The following PWWP2A variants were observed in gnomAD, a reference collection of about 807,000 sequenced individuals.
The protein encoded by PWWP2A is PWWP domain containing 2A.
PWWP2A carries 18 observed loss-of-function variants against 48.5 expected under a neutral mutation model. That is an observed-to-expected ratio of 0.37 (90% CI 0.26 to 0.55). PWWP2A has a LOEUF of 0.55. PWWP2A is among the 20% of genes least tolerant of loss of function. The pLI is 0.81. For missense variants in PWWP2A, 867 were observed against 976.4 expected (o/e 0.89, Z 1.49); for synonymous variants, 396 against 387.7 (o/e 1.02, Z -0.25).
chr5:160,047,361 T>C, the PWWP2A span, among the ~76,000 whole-genome samples: 1 of 152,226 alleles, frequency 6.6e-6, no homozygotes, highest in Middle Eastern at 3.2e-3. Context: ...GATTGTTCTT[T>C]CGTGTCACAT....
the PWWP2A span, among the ~76,000 whole-genome samples, chr5:160,055,792 C>T: frequency 6.6e-6 from 1 of 152,220 alleles, no homozygotes; most frequent in East Asian, 1.9e-4. Context: ...AGAGACACCT[C>T]CTGAGCAAAA....
chr5:160,089,014 G>A (rs1445064309), downstream of PWWP2A, among the ~76,000 whole-genome samples: 2 of 152,166 alleles, frequency 1.3e-5, no homozygotes, highest in Non-Finnish European at 2.9e-5. Context: ...TTTAGTATCA[G>A]TTCCCTGTTC....
At chr5:160,096,433 A>C (rs1164704702) in intron 1 of PWWP2A, among the ~76,000 whole-genome samples, 1 of 152,220 alleles carries the variant, frequency 6.6e-6, no homozygotes, top group African/African-American at 2.4e-5. Flanking sequence ...CCACTTTTTC[A>C]AAAGATGACA....
chr5:160,113,459 C>G, intron 1 of PWWP2A: 2 of 380,662 alleles, frequency 5.3e-6, no homozygotes, highest in Non-Finnish European at 7.2e-6. Flanking sequence ...GTAGACAGCT[C>G]TTCCAATTTT....
At chr5:160,114,302 C>G (rs1470518344) in intron 1 of PWWP2A, among the ~76,000 whole-genome samples, 1 of 151,758 alleles carries the variant, frequency 6.6e-6, no homozygotes, top group Non-Finnish European at 1.5e-5. Flanking sequence ...GAGGCCGAAG[C>G]AGGAGGATCA....
chr5:160,114,784 AAAAAG>A (rs1242743783), intron 1 of PWWP2A, among the ~76,000 whole-genome samples: 1 of 151,748 alleles, frequency 6.6e-6, no homozygotes, highest in Non-Finnish European at 1.5e-5. Flanking sequence ...AAAAAAAAAA[AAAAAG>A]AGTTCAACCA....
the PWWP2A span, chr5:160,051,292 A>T: frequency 2.4e-6 from 2 of 829,226 alleles, no homozygotes; most frequent in Non-Finnish European, 3.7e-6. Flanking sequence ...GGACTCTACC[A>T]CAAGGCTACT....
At position 160,103,741 on chromosome 5, in the gene PWWP2A, A is replaced by T. The variant is rs565275444; in HGVS notation, c.585-9676T>A. Among the ~76,000 whole-genome samples the T allele has an allele frequency of 4.6e-5, 7 of 152,314 alleles. No individual in the cohort carries two copies. The South Asian group carries it at 1.4e-3, about 32-fold the overall frequency. On this transcript the variant is annotated intron_variant, in intron 1 of 1. Coordinates refer to ENST00000307063, the MANE Select transcript of PWWP2A (RefSeq NM_001130864.2). ...AAATAAAGGTGATCCATCTGGCAGA[A>T]AAAGAGGAGGGCATGTTGGTGAGTG...
chr5:160,083,607 G>C (rs889344320), intron 2 of PWWP2A, among the ~76,000 whole-genome samples: 12 of 152,146 alleles, frequency 7.9e-5, no homozygotes, highest in Admixed American at 6.5e-4. Context: ...TCTTTGTGAA[G>C]TTCTCCTAAT....
Position 160,113,420 on chromosome 5 carries a change from G to A in PWWP2A, c.584+5385C>T, listed in dbSNP as rs1561705098. 6 of 777,566 alleles carry A rather than the reference G, an allele frequency of 7.7e-6. No homozygotes were observed. In the Admixed American group the frequency reaches 2.5e-4, roughly 32 times the overall value. 48.2% of individuals were successfully genotyped at this position (777,566 alleles called of 1,614,324 possible). On this transcript the variant is annotated intron_variant, in intron 1 of 1. Coordinates refer to ENST00000307063, the MANE Select transcript of PWWP2A (RefSeq NM_001130864.2). ...CATCCACACATATATTAAATCCTGTGTTCTAGACTCAAACACCTTTTCCAC... is the reference window on the plus strand; with the variant it reads ...CATCCACACATATATTAAATCCTGTATTCTAGACTCAAACACCTTTTCCAC...
Position 160,093,343 on chromosome 5 carries a change from T to G in PWWP2A, c.1307A>C (p.Lys436Thr). 6.2e-7 allele frequency: 1 copy of G among 1,613,910 alleles called. No individual in the cohort carries two copies. Among genetic ancestry groups the G allele is most frequent in the Non-Finnish European group, 8.5e-7 (1 of 1,179,818 alleles). ...ATTTTGCTTCTTTTGTGCCTTTTCT[T>G]TGGCAATTTTTAACACTTCCCGAGC... Reference protein sequence around the residue: ...AKAREVLKIAKEKAQKKQNET... With the variant: ...AKAREVLKIATEKAQKKQNET... Residue 436 changes from lysine (K) to threonine (T), a missense_variant, in exon 2 of 2, where the codon AAA becomes ACA. Lys to Thr is a moderately conservative substitution (Grantham distance 78, BLOSUM62 -1). Coordinates refer to ENST00000307063, the MANE Select transcript of PWWP2A (RefSeq NM_001130864.2). This position sits in a 1 kb window ranked among gnomAD's most constrained non-coding sequence, Gnocchi z 5.8.
In PWWP2A at chr5:160,092,025, T is replaced by TAC. The variant is rs770427944; in HGVS notation, c.*355_*356dup. 1.1e-4 allele frequency: 46 copies of TAC among 433,890 alleles called. 3 individuals are homozygous for TAC. The highest frequency in any genetic ancestry group is 1.2e-4 in the Non-Finnish European group (42 of 338,104). 26.9% of individuals were successfully genotyped at this position (433,890 alleles called of 1,614,324 possible). The stretch of plus-strand genomic sequence containing the variant: ...ATATACATACACGGATATATATATA[T>TAC]ACACACACACACACGTATATATATG... On this transcript the variant is annotated 3_prime_UTR_variant, in exon 2 of 2. Coordinates refer to ENST00000307063, the MANE Select transcript of PWWP2A (RefSeq NM_001130864.2).
chr5:160,108,127 AT>A (rs146681186), intron 1 of PWWP2A, among the ~76,000 whole-genome samples: 18,502 of 148,300 alleles, frequency 0.12, 1,413 homozygotes, highest in East Asian at 0.25. Flanking sequence ...TTACAGGATT[AT>A]TTTTTTTTTC....
At chr5:160,070,724 T>C (rs965669783) in intron 2 of PWWP2A, among the ~76,000 whole-genome samples, 1 of 152,188 alleles carries the variant, frequency 6.6e-6, no homozygotes, top group Non-Finnish European at 1.5e-5. Context: ...TTTAGGGACA[T>C]GGTGGCACTG....
At chr5:160,096,689 G>A (rs1203101957) in intron 1 of PWWP2A, among the ~76,000 whole-genome samples, 1 of 152,116 alleles carries the variant, frequency 6.6e-6, no homozygotes, top group Non-Finnish European at 1.5e-5. Context: ...GAACGCAGTG[G>A]TGCAATCATG....
In PWWP2A at chr5:160,119,029, C is replaced by A. The variant is rs779272011; in HGVS notation, c.360G>T (p.Pro120=). Residue 120 remains proline (P), a synonymous_variant, in exon 1 of 2, where the codon CCG becomes CCT. Coordinates refer to ENST00000307063, the MANE Select transcript of PWWP2A (RefSeq NM_001130864.2). ...CCTCGGGAGCCGGGGGCTGCTCCGG[C>A]GGCGATGCAGGAGAAGGTGGAAGTT... ...GPELPPSPAS[P]PEQPPAPEER... 6.3e-7 allele frequency: 1 copy of A among 1,597,104 alleles called. No individual in the cohort carries two copies. Among genetic ancestry groups the A allele is most frequent in the Non-Finnish European group, 8.5e-7 (1 of 1,176,298 alleles).
At chr5:160,086,408 C>T (rs1754643145), downstream of PWWP2A, among the ~76,000 whole-genome samples, 1 of 151,974 alleles carries the variant, frequency 6.6e-6, no homozygotes. Flanking sequence ...GTGGCCCCAA[C>T]TATGAGGCTG....
At chr5:160,051,082 G>T in the PWWP2A span, 70 of 1,236,780 alleles carry the variant, frequency 5.7e-5, no homozygotes, top group Middle Eastern at 8.0e-4. Context: ...AAAGGTTTTG[G>T]TTTTTTTTTT....
intron 2 of PWWP2A, among the ~76,000 whole-genome samples, chr5:160,083,998 G>T (rs201896012): frequency 6.0e-4 from 92 of 152,270 alleles, no homozygotes; most frequent in African/African-American, 2.1e-3. Context: ...GAATAATCAT[G>T]CTATGATTTC....
Sources: gnomAD v4.1 joint callset for allele counts (sites outside exome capture counted in the v4.1 genomes callset) on GRCh38, gnomAD v4.1.1 for gene constraint, Gnocchi (gnomAD v3.1) non-coding constraint, MANE v1.5 for transcripts, NCBI Gene and HGNC (gene_info 2026-07-23, HGNC 2026-07-21) for gene names.